The following SORCS2 variants were observed in gnomAD, a reference collection of about 807,000 sequenced individuals.
The protein encoded by SORCS2 is VPS10 domain-containing receptor SorCS2.
A neutral mutation model predicts 141.6 loss-of-function variants in SORCS2; 100 were observed. The ratio of observed to expected loss-of-function variants is 0.71; its 90% CI spans 0.60 to 0.83. The LOEUF (loss-of-function observed/expected upper bound fraction) is 0.83, where lower values mean the gene tolerates loss of function less well. Among genes scored for constraint, SORCS2 ranks in the 40% least tolerant of loss-of-function variants. SORCS2 has a pLI of 0.00. For missense variants in SORCS2, 1,646 were observed against 1,560.2 expected (o/e 1.05, Z -0.93); for synonymous variants, 789 against 676.9 (o/e 1.17, Z -2.57).
At chr4:7,400,115 A>G (rs1309928020) in intron 2 of SORCS2, among the ~76,000 whole-genome samples, 1 of 152,064 alleles carries the variant, frequency 6.6e-6, no homozygotes, top group East Asian at 1.9e-4. Flanking sequence ...TTGAAATAAC[A>G]TACAAGCCAT....
At chr4:7,398,203 G>C (rs901175906) in intron 2 of SORCS2, among the ~76,000 whole-genome samples, 3 of 152,204 alleles carry the variant, frequency 2.0e-5, no homozygotes, top group Non-Finnish European at 4.4e-5. Flanking sequence ...CCCTGGCATG[G>C]GGCCCAAAAC....
At chr4:7,530,364 A>C (rs1227772934) in intron 2 of SORCS2, among the ~76,000 whole-genome samples, 2 of 152,188 alleles carry the variant, frequency 1.3e-5, no homozygotes, top group Admixed American at 6.5e-5. Context: ...GCTCCAGCCC[A>C]AGGCCCCCTT....
chr4:7,512,541 C>A (rs927446284), intron 2 of SORCS2, among the ~76,000 whole-genome samples: 16 of 152,242 alleles, frequency 1.1e-4, no homozygotes, highest in African/African-American at 3.6e-4. Context: ...CACTGGTCTA[C>A]AGCATAGATC....
chr4:7,714,435 CG>C, intron 16 of SORCS2, 62 bp downstream of exon 16: 1 of 1,512,116 alleles, frequency 6.6e-7, no homozygotes, highest in South Asian at 1.2e-5. Context: ...CACAGCATGG[CG>C]GCCACTTCCC....
chr4:7,456,788 A>C lies in SORCS2; in HGVS notation c.548+60433A>C, dbSNP rs1028133938. On this transcript the variant is annotated intron_variant, in intron 2 of 26. Transcript: ENST00000507866. ...CCCTGTGGCAGGGGTAGGGGGGTGGAGGGTCATCTCTCGACGATCAGTGTG... is the reference window on the plus strand; with the variant it reads ...CCCTGTGGCAGGGGTAGGGGGGTGGCGGGTCATCTCTCGACGATCAGTGTG... Among the ~76,000 whole-genome samples the C allele has an allele frequency of 3.9e-5, 6 of 151,930 alleles. No individual in the cohort carries two copies. In the South Asian group the frequency reaches 8.3e-4, roughly 21 times the overall value.
chr4:7,626,840 C>G (rs1719544395), intron 3 of SORCS2, among the ~76,000 whole-genome samples: 1 of 152,178 alleles, frequency 6.6e-6, no homozygotes, highest in Non-Finnish European at 1.5e-5. Context: ...AATACAGTCC[C>G]TGGTGCTCAG....
chr4:7,359,342 C>T (rs1721444567), intron 1 of SORCS2, among the ~76,000 whole-genome samples: 1 of 152,192 alleles, frequency 6.6e-6, no homozygotes, highest in African/African-American at 2.4e-5. Flanking sequence ...CTTTGTCACC[C>T]AGGCTGGTCT....
chr4:7,716,790 G>T (rs549870789), intron 17 of SORCS2, among the ~76,000 whole-genome samples: 41 of 152,218 alleles, frequency 2.7e-4, no homozygotes, highest in South Asian at 2.1e-4. Context: ...CTTGACAACA[G>T]GGACTCTTGT....
intron 12 of SORCS2, among the ~76,000 whole-genome samples, chr4:7,700,573 C>T (rs1008329): frequency 0.35 from 53,736 of 152,130 alleles, 10,287 homozygotes; most frequent in East Asian, 0.73. Flanking sequence ...CTAAAGCCTA[C>T]AGGCCATCAG....
chr4:7,547,023 G>A (rs1713312621), intron 3 of SORCS2, among the ~76,000 whole-genome samples: 1 of 152,130 alleles, frequency 6.6e-6, no homozygotes, highest in African/African-American at 2.4e-5. Flanking sequence ...GCTGCTGCCT[G>A]TTTTTTAACA....
chr4:7,684,270 C>T (rs144754378), intron 10 of SORCS2, among the ~76,000 whole-genome samples: 36 of 152,304 alleles, frequency 2.4e-4, no homozygotes, highest in South Asian at 8.3e-4. Context: ...CTGTTGAAAA[C>T]GGAGGAAGAT....
chr4:7,257,268 C>T (rs561218490), intron 1 of SORCS2, among the ~76,000 whole-genome samples: 3 of 151,418 alleles, frequency 2.0e-5, no homozygotes, highest in African/African-American at 2.4e-5. Flanking sequence ...GTGTGCCTGG[C>T]GCCAGGAGTG....
At chr4:7,619,253 A>G (rs1718981095) in intron 3 of SORCS2, among the ~76,000 whole-genome samples, 1 of 152,220 alleles carries the variant, frequency 6.6e-6, no homozygotes, top group Non-Finnish European at 1.5e-5. Context: ...AATGATGGCC[A>G]GGCGTAAGGG....
rs549026970 is a variant in SORCS2 at position 7,579,375 on chromosome 4, A to T, written c.648+47746A>T. Among the ~76,000 whole-genome samples the T allele has an allele frequency of 2.0e-5, 3 of 152,270 alleles. No homozygotes were observed. In the East Asian group the frequency reaches 5.8e-4, roughly 29 times the overall value. On this transcript the variant is annotated intron_variant, in intron 3 of 26. Coordinates refer to ENST00000507866, the MANE Select transcript of SORCS2 (RefSeq NM_020777.3). ...CCCACCCGTGTGTGTGTGTGCACGC[A>T]CCTGTGTGCAATATCATCATAGTCT...
intron 1 of SORCS2, among the ~76,000 whole-genome samples, chr4:7,278,954 C>T (rs1379600096): frequency 3.3e-5 from 5 of 152,164 alleles, no homozygotes; most frequent in Admixed American, 6.5e-5. Context: ...ACAGGGCTGG[C>T]CACAGTCAGG....
intron 3 of SORCS2, among the ~76,000 whole-genome samples, chr4:7,627,133 G>A (rs191498808): frequency 1.3e-3 from 191 of 152,162 alleles, no homozygotes; most frequent in African/African-American, 4.2e-3. Context: ...CTACACGTGC[G>A]TGCCACCAAG....
chr4:7,731,762 C>A (rs1467422181), intron 23 of SORCS2, among the ~76,000 whole-genome samples: 1 of 152,158 alleles, frequency 6.6e-6, no homozygotes, highest in Non-Finnish European at 1.5e-5. Flanking sequence ...TATCCACATG[C>A]AGAAGAATGC....
At chr4:7,427,879 G>T (rs919606482) in intron 2 of SORCS2, among the ~76,000 whole-genome samples, 1 of 142,402 alleles carries the variant, frequency 7.0e-6, no homozygotes, top group African/African-American at 2.5e-5. Context: ...CGACTGCAAC[G>T]CTGGGAATCA....
intron 3 of SORCS2, among the ~76,000 whole-genome samples, chr4:7,577,130 G>A (rs1053424086): frequency 5.3e-5 from 8 of 152,168 alleles, no homozygotes; most frequent in Non-Finnish European, 7.4e-5. Flanking sequence ...TGACAAGAAC[G>A]CTCATGTGGA....
Sources: gnomAD v4.1 joint callset for allele counts (sites outside exome capture counted in the v4.1 genomes callset) on GRCh38, gnomAD v4.1.1 for gene constraint, MANE v1.5 for transcripts, NCBI Gene and HGNC (gene_info 2026-07-23, HGNC 2026-07-21) for gene names.